ERICH1: variants seen among roughly 807,000 people sequenced by gnomAD.
The protein encoded by ERICH1 is glutamate-rich protein 1.
In ERICH1, 56 loss-of-function variants were observed where a neutral mutation model predicts 39.6. The ratio of observed to expected loss-of-function variants is 1.41; its 90% CI spans 1.14 to 1.77. The LOEUF is 1.77. Among genes scored for constraint, ERICH1 ranks in the 40% most tolerant of loss-of-function variants. The pLI is 0.00. For synonymous variants in ERICH1, 313 were observed against 223.6 expected (o/e 1.40, Z -3.57); for missense variants, 826 against 575.4 (o/e 1.44, Z -4.45).
chr8:629,937 C>CACAG (rs1221255562), intron 3 of ERICH1, among the ~76,000 whole-genome samples: 1 of 96,180 alleles, frequency 1.0e-5, no homozygotes. Flanking sequence ...TGACCACCCA[C>CACAG]ACAGAGCTGA....
chr8:707,414 G>A (rs1176001168), intron 2 of ERICH1, among the ~76,000 whole-genome samples: 4 of 152,060 alleles, frequency 2.6e-5, no homozygotes, highest in South Asian at 2.1e-4. Flanking sequence ...CACCACGTTG[G>A]CCAGGCTGGT....
intron 3 of ERICH1, among the ~76,000 whole-genome samples, chr8:620,587 G>A (rs1044555398): frequency 6.6e-6 from 1 of 152,166 alleles, no homozygotes. Flanking sequence ...ATACAAATGA[G>A]TTGAAAGTTA....
intron 3 of ERICH1, among the ~76,000 whole-genome samples, chr8:637,793 A>G (rs1454461956): frequency 6.6e-6 from 1 of 152,174 alleles, no homozygotes; most frequent in African/African-American, 2.4e-5. Context: ...AGCAGCCGGG[A>G]GTCAAACAGT....
At chr8:669,971 G>A (rs1380794049) in intron 4 of ERICH1, among the ~76,000 whole-genome samples, 1 of 152,042 alleles carries the variant, frequency 6.6e-6, no homozygotes, top group African/African-American at 2.4e-5. Context: ...TCTCCGTCCT[G>A]CCCCCGCTCC....
At chr8:670,156 T>C (rs1208933625) in intron 4 of ERICH1, among the ~76,000 whole-genome samples, 1 of 152,230 alleles carries the variant, frequency 6.6e-6, no homozygotes, top group East Asian at 1.9e-4. Context: ...CATTTGCTGT[T>C]TCCCTGTCTT....
intron 4 of ERICH1, 106 bp downstream of exon 4, chr8:673,183 T>G: frequency 1.5e-6 from 2 of 1,316,400 alleles, no homozygotes. Flanking sequence ...TATTTTACAT[T>G]GAATATTTTT....
At position 650,111 on chromosome 8, in the gene ERICH1, C is replaced by G. The variant is rs1053198187; in HGVS notation, c.976+18487G>C. ...CAAGGCCGGAAGGTTGCGGTCTCAG[C>G]GCTCGCTCCATGCCGGGAGCGCGCA... is the stretch of plus-strand genomic sequence containing the variant. On this transcript the variant is annotated intron_variant, in intron 3 of 3. Transcript: ENST00000522706. 2.0e-5 allele frequency among the ~76,000 whole-genome samples: 3 copies of G among 152,222 alleles called. No individual in the cohort carries two copies. In the South Asian group the frequency reaches 6.2e-4, roughly 32 times the overall value.
rs184254461 is a variant in ERICH1 at position 714,906 on chromosome 8, C to G, written c.169+955G>C. On this transcript the variant is annotated intron_variant, in intron 2 of 5. Transcript: ENST00000262109. ...GTGGGATGTGCTGCACAGAGGTGAC[C>G]TCTTCCTGCATCTCTCGGTGGGATG... is the stretch of plus-strand genomic sequence containing the variant. 1.3e-3 allele frequency among the ~76,000 whole-genome samples: 197 copies of G among 152,320 alleles called. 1 individual carries two copies. Among genetic ancestry groups the G allele is most frequent in the South Asian group, 0.012 (57 of 4,824 alleles).
chr8:683,252 C>G (rs1042033507), intron 3 of ERICH1, among the ~76,000 whole-genome samples: 4 of 152,132 alleles, frequency 2.6e-5, no homozygotes, highest in Non-Finnish European at 5.9e-5. Context: ...AGACCTGCCA[C>G]AGAGAGAGGA....
chr8:689,635 G>A (rs553635344), intron 3 of ERICH1, among the ~76,000 whole-genome samples: 81 of 152,282 alleles, frequency 5.3e-4, no homozygotes, highest in African/African-American at 1.8e-3. Flanking sequence ...GGGGCACTGC[G>A]GACATTTTCT....
intron 3 of ERICH1, among the ~76,000 whole-genome samples, chr8:617,592 G>GA (rs1427837316): frequency 2.9e-4 from 44 of 150,396 alleles, no homozygotes; most frequent in African/African-American, 1.1e-3. Context: ...CTGAGTGCTT[G>GA]GTGCTCCATC....
rs1036972917 is a variant in ERICH1 at position 621,536 on chromosome 8, G to C, written c.977-6252C>G. 7.9e-5 allele frequency among the ~76,000 whole-genome samples: 12 copies of C among 151,638 alleles called. No individual in the cohort carries two copies. In the East Asian group the frequency reaches 1.9e-3, roughly 24 times the overall value. On this transcript the variant is annotated intron_variant, in intron 3 of 3. Coordinates refer to the ERICH1 transcript ENST00000522706. ...ATTAAAATAATTAAATAATTAAAAA[G>C]AGAAAGGAGATAGAGAAGAGCAAAC...
chr8:699,466 A>G (rs1018453593), intron 2 of ERICH1, among the ~76,000 whole-genome samples: 3 of 152,178 alleles, frequency 2.0e-5, no homozygotes, highest in Admixed American at 2.0e-4. Context: ...AAGGACAAGC[A>G]CGAGCACAAC....
chr8:697,866 C>T (rs1230394121), intron 2 of ERICH1, among the ~76,000 whole-genome samples: 10 of 152,334 alleles, frequency 6.6e-5, no homozygotes, highest in Non-Finnish European at 1.5e-4. Flanking sequence ...GGGCTTGAGC[C>T]CCTGGGAGAG....
intron 1 of ERICH1, among the ~76,000 whole-genome samples, chr8:727,712 G>A (rs968827808): frequency 1.2e-4 from 19 of 152,172 alleles, no homozygotes; most frequent in Admixed American, 1.2e-3. Context: ...GGGCTCTGTG[G>A]CCTTCCCTAC....
At chr8:627,387 C>G (rs1405081766) in intron 3 of ERICH1, 1 of 361,386 alleles carries the variant, frequency 2.8e-6, no homozygotes, top group East Asian at 7.5e-5. Flanking sequence ...CTGAGAGCCT[C>G]GACTTCACAT....
intron 4 of ERICH1, among the ~76,000 whole-genome samples, chr8:672,842 A>G (rs928335761): frequency 6.6e-6 from 1 of 152,236 alleles, no homozygotes; most frequent in South Asian, 2.1e-4. Context: ...ACCTGTCCTA[A>G]AGGCGCAAGC....
At chr8:616,623 G>T (rs776447339) in intron 3 of ERICH1, 2 of 455,094 alleles carry the variant, frequency 4.4e-6, no homozygotes, top group South Asian at 3.1e-5. Context: ...GTGGGGAGAG[G>T]GAGGCAGAGA....
chr8:708,680 A>AATTTTTTTTTT (rs1563319264), intron 2 of ERICH1, among the ~76,000 whole-genome samples: 1 of 55,134 alleles, frequency 1.8e-5, no homozygotes, highest in African/African-American at 6.8e-5. Flanking sequence ...CGGGATAATG[A>AATTTTTTTTTT]GTTTTTTTTT....
Sources: gnomAD v4.1 joint callset for allele counts (sites outside exome capture counted in the v4.1 genomes callset) on GRCh38, gnomAD v4.1.1 for gene constraint, MANE v1.5 for transcripts, NCBI Gene and HGNC (gene_info 2026-07-23, HGNC 2026-07-21) for gene names.